The following CCDC150 variants were observed in gnomAD, a reference collection of about 807,000 sequenced individuals.
CCDC150 encodes the protein coiled-coil domain containing 150.
Under a neutral mutation model 156.5 loss-of-function variants are expected in CCDC150, and 151 were observed. The ratio of observed to expected loss-of-function variants is 0.97; its 90% CI spans 0.85 to 1.10. The LOEUF (loss-of-function observed/expected upper bound fraction) is 1.10, where lower values mean the gene tolerates loss of function less well. Among genes scored for constraint, CCDC150 ranks in the 50% least tolerant of loss-of-function variants. The pLI, the probability that CCDC150 is intolerant of heterozygous loss-of-function variation, is 0.00. For synonymous variants in CCDC150, 452 were observed against 429.4 expected (o/e 1.05, Z -0.65); for missense variants, 1,312 against 1,268.1 (o/e 1.03, Z -0.53).
intron 21 of CCDC150, among the ~76,000 whole-genome samples, chr2:196,722,940 T>C (rs1317781038): frequency 6.6e-6 from 1 of 152,196 alleles, no homozygotes; most frequent in African/African-American, 2.4e-5. Flanking sequence ...AGAGGTCTCC[T>C]TGCAGCATTT....
At chr2:196,650,932 G>A (rs1692837157) in intron 2 of CCDC150, among the ~76,000 whole-genome samples, 1 of 152,022 alleles carries the variant, frequency 6.6e-6, no homozygotes, top group South Asian at 2.1e-4. Context: ...TTGATAGGAG[G>A]AAACTTTTTG....
intron 5 of CCDC150, among the ~76,000 whole-genome samples, chr2:196,663,346 T>C (rs1693661128): frequency 6.6e-6 from 1 of 152,222 alleles, no homozygotes; most frequent in Non-Finnish European, 1.5e-5. Flanking sequence ...AGTTGATAAC[T>C]ATATTAGAAG....
intron 10 of CCDC150, among the ~76,000 whole-genome samples, chr2:196,674,838 C>A (rs1694403758): frequency 6.6e-6 from 1 of 152,100 alleles, no homozygotes; most frequent in South Asian, 2.1e-4. Context: ...AACAGACCAC[C>A]ATAGTAATAG....
chr2:196,676,471 G>A, intron 11 of CCDC150, 83 bp from the exon 12 acceptor site: 1 of 1,362,156 alleles, frequency 7.3e-7, no homozygotes, highest in Non-Finnish European at 1.0e-6. Context: ...CAGGAAATAT[G>A]TTCTATAAGA....
At chr2:196,676,455 CTCAG>C (rs1442729344) in intron 11 of CCDC150, 95 bp from the exon 12 acceptor site, 1 of 1,313,536 alleles carries the variant, frequency 7.6e-7, no homozygotes, top group Non-Finnish European at 1.1e-6. Flanking sequence ...GGTAACTACT[CTCAG>C]TCAGGAAATA....
At chr2:196,712,363 T>C (rs1471494457) in intron 16 of CCDC150, 111 bp downstream of exon 16, 2 of 631,020 alleles carry the variant, frequency 3.2e-6, no homozygotes, top group East Asian at 5.6e-5. Flanking sequence ...AAATATGCTG[T>C]CACTTGACTC....
At chr2:196,644,849 T>C (rs1454750007) in intron 1 of CCDC150, among the ~76,000 whole-genome samples, 2 of 151,988 alleles carry the variant, frequency 1.3e-5, no homozygotes, top group African/African-American at 2.4e-5. Flanking sequence ...GCGTGATGGC[T>C]CATGCCTGTA....
intron 22 of CCDC150, chr2:196,726,930 C>T (rs746752673): frequency 2.6e-5 from 4 of 152,008 alleles, no homozygotes; most frequent in Admixed American, 6.6e-5. Context: ...ATGATAGAAG[C>T]ATGAGTTTAG....
chr2:196,650,541 G>A (rs1462932103), intron 2 of CCDC150, among the ~76,000 whole-genome samples: 1 of 152,160 alleles, frequency 6.6e-6, no homozygotes, highest in Non-Finnish European at 1.5e-5. Flanking sequence ...TTACAGGCAA[G>A]TGCCACCACG....
chr2:196,671,925 A>AT (rs1694226724), intron 8 of CCDC150, among the ~76,000 whole-genome samples: 1 of 152,204 alleles, frequency 6.6e-6, no homozygotes. Flanking sequence ...AAGGAGCATG[A>AT]TTACTGGATC....
Position 196,665,701 on chromosome 2 carries a change from C to G in CCDC150, c.762+18C>G. 1 of 1,456,604 alleles carries G rather than the reference C, an allele frequency of 6.9e-7. No homozygotes were observed. The highest frequency in any genetic ancestry group is 9.4e-7 in the Non-Finnish European group (1 of 1,069,072). 90.2% of individuals were successfully genotyped at this position (1,456,604 alleles called of 1,614,324 possible). A position where few individuals can be genotyped will look rare whatever the true frequency, so the allele number is the denominator to read the frequency against. On this transcript the variant is annotated intron_variant, in intron 6 of 27. Transcript: ENST00000389175. ...GAAAACAGGTAGAAAGATTTCTTCT[C>G]CTTATGTGGTTTGGGAAATGAAACC...
At chr2:196,654,044 C>G (rs1693039753) in intron 2 of CCDC150, among the ~76,000 whole-genome samples, 1 of 152,114 alleles carries the variant, frequency 6.6e-6, no homozygotes, top group Non-Finnish European at 1.5e-5. Flanking sequence ...AGATAGCCAG[C>G]TCTTGTGTGA....
chr2:196,679,372 TAGTTATAAATTATCC>T (rs1434259581), intron 13 of CCDC150, among the ~76,000 whole-genome samples: 1 of 152,200 alleles, frequency 6.6e-6, no homozygotes, highest in Non-Finnish European at 1.5e-5. Flanking sequence ...TTTGTCCCTG[TAGTTATAAATTATCC>T]AGAGTGTCAT....
intron 7 of CCDC150, chr2:196,667,387 G>A (rs1693911371): frequency 6.2e-6 from 1 of 160,108 alleles, no homozygotes; most frequent in Non-Finnish European, 1.4e-5. Flanking sequence ...GCTAGGAAAG[G>A]AAGGAGCCTA....
chr2:196,689,288 A>G (rs1273372570), intron 13 of CCDC150, among the ~76,000 whole-genome samples: 2 of 152,150 alleles, frequency 1.3e-5, no homozygotes, highest in Non-Finnish European at 2.9e-5. Context: ...GAGGAAAGTC[A>G]TTGGTAGCTT....
At chr2:196,705,033 A>G (rs1696518020) in intron 15 of CCDC150, among the ~76,000 whole-genome samples, 1 of 152,198 alleles carries the variant, frequency 6.6e-6, no homozygotes, top group Non-Finnish European at 1.5e-5. Context: ...GTGTCTTTAT[A>G]GTAGCATGAT....
At chr2:196,726,260 A>G in intron 22 of CCDC150, 161 bp downstream of exon 22, 1 of 727,640 alleles carries the variant, frequency 1.4e-6, no homozygotes, top group Non-Finnish European at 2.1e-6. Context: ...ACACACAAGA[A>G]AAAAGTTTCT....
chr2:196,670,579 C>T (rs1694140627), intron 8 of CCDC150, among the ~76,000 whole-genome samples: 1 of 146,206 alleles, frequency 6.8e-6, no homozygotes, highest in Non-Finnish European at 1.5e-5. Flanking sequence ...AACCACAGAA[C>T]AAAGGTGTTT....
At chr2:196,705,740 G>C (rs1354061513) in intron 15 of CCDC150, among the ~76,000 whole-genome samples, 1 of 152,172 alleles carries the variant, frequency 6.6e-6, no homozygotes, top group East Asian at 1.9e-4. Context: ...AAGGTGTAAG[G>C]AAGGGATCCA....
Sources: allele counts gnomAD v4.1 joint callset (sites outside exome capture counted in the v4.1 genomes callset), GRCh38; gene constraint gnomAD v4.1.1; transcripts MANE v1.5; gene names NCBI Gene and HGNC (gene_info 2026-07-23, HGNC 2026-07-21).